FHIT: variants seen among roughly 807,000 people sequenced by gnomAD.
The protein encoded by FHIT is fragile histidine triad diadenosine triphosphatase, also known as bis(5'-adenosyl)-triphosphatase.
FHIT carries 19 observed loss-of-function variants against 17.9 expected under a neutral mutation model. That is an observed-to-expected ratio of 1.06 (90% CI 0.74 to 1.56). The LOEUF (loss-of-function observed/expected upper bound fraction) is 1.56, where lower values mean the gene tolerates loss of function less well. Ranked by LOEUF, FHIT falls within the 40% of genes most tolerant of loss-of-function variation. The pLI is 0.00. For synonymous variants in FHIT, 81 were observed against 69.7 expected (o/e 1.16, Z -0.81); for missense variants, 248 against 189.2 (o/e 1.31, Z -1.82).
At chr3:60,206,403 G>C (rs1222990449) in intron 5 of FHIT, among the ~76,000 whole-genome samples, 1 of 152,096 alleles carries the variant, frequency 6.6e-6, no homozygotes, top group Non-Finnish European at 1.5e-5. Flanking sequence ...GGTTATGAGA[G>C]TTTCTGAATA....
At chr3:61,020,423 G>C (rs1559915024) in intron 3 of FHIT, among the ~76,000 whole-genome samples, 1 of 152,052 alleles carries the variant, frequency 6.6e-6, no homozygotes, top group Non-Finnish European at 1.5e-5. Context: ...GGTCTTTGTA[G>C]ATTCTGGATC....
intron 2 of FHIT, among the ~76,000 whole-genome samples, chr3:61,062,455 A>C (rs2106702653): frequency 6.6e-6 from 1 of 152,320 alleles, no homozygotes; most frequent in African/African-American, 2.4e-5. Flanking sequence ...CATATAATTT[A>C]TTGGATTTAT....
intron 7 of FHIT, among the ~76,000 whole-genome samples, chr3:59,977,770 C>G (rs1332200996): frequency 6.6e-6 from 1 of 152,100 alleles, no homozygotes; most frequent in East Asian, 1.9e-4. Flanking sequence ...AGCTCCAGGA[C>G]AAAAGACTTA....
At chr3:60,595,490 T>C (rs1175268064) in intron 4 of FHIT, among the ~76,000 whole-genome samples, 1 of 141,366 alleles carries the variant, frequency 7.1e-6, no homozygotes, top group East Asian at 2.1e-4. Context: ...CATATAAATA[T>C]GTATATATGT....
intron 5 of FHIT, among the ~76,000 whole-genome samples, chr3:60,138,385 C>G (rs1178755687): frequency 1.3e-5 from 2 of 152,148 alleles, no homozygotes; most frequent in Non-Finnish European, 2.9e-5. Context: ...AAAGTAAATA[C>G]ACATTGTCTC....
At chr3:61,055,281 C>T (rs1468060536) in intron 2 of FHIT, among the ~76,000 whole-genome samples, 2 of 152,056 alleles carry the variant, frequency 1.3e-5, no homozygotes, top group Non-Finnish European at 2.9e-5. Flanking sequence ...TCTGTCTCTC[C>T]CTACCTCTAT....
At chr3:60,725,549 T>C (rs1309419752) in intron 4 of FHIT, among the ~76,000 whole-genome samples, 2 of 152,230 alleles carry the variant, frequency 1.3e-5, no homozygotes, top group Non-Finnish European at 2.9e-5. Flanking sequence ...CTCCAAGACA[T>C]AGTTTCAGGT....
chr3:59,899,945 A>C (rs1433890143), intron 8 of FHIT, among the ~76,000 whole-genome samples: 1 of 152,234 alleles, frequency 6.6e-6, no homozygotes, highest in Admixed American at 6.5e-5. Flanking sequence ...GATACTAAAT[A>C]TTTTAGGCTT....
At chr3:59,847,070 C>T (rs541769481) in intron 8 of FHIT, among the ~76,000 whole-genome samples, 5 of 152,276 alleles carry the variant, frequency 3.3e-5, no homozygotes, top group South Asian at 4.1e-4. Context: ...CTTTCAGGCT[C>T]ACCCTATTTG....
At chr3:60,608,378 G>T (rs1282358612) in intron 4 of FHIT, among the ~76,000 whole-genome samples, 1 of 152,098 alleles carries the variant, frequency 6.6e-6, no homozygotes, top group Admixed American at 6.5e-5. Flanking sequence ...CCCTTCCACT[G>T]CTCAGATGAT....
chr3:60,335,445 G>A (rs1403771946), intron 5 of FHIT, among the ~76,000 whole-genome samples: 1 of 152,112 alleles, frequency 6.6e-6, no homozygotes, highest in Non-Finnish European at 1.5e-5. Flanking sequence ...ATCTCTGCTT[G>A]GCATTTGATA....
rs527533670 is a variant in FHIT at position 59,827,536 on chromosome 3, G to C, written c.349-75215C>G. On this transcript the variant is annotated intron_variant, in intron 8 of 9. Coordinates refer to ENST00000492590, the MANE Select transcript of FHIT (RefSeq NM_002012.4). ...ATATTCAGATAAATGCAGATACTGC[G>C]AGCAGCTATGCTAAGTGCTTTACAG... Among the ~76,000 whole-genome samples the C allele has an allele frequency of 2.6e-5, 4 of 152,290 alleles. No individual in the cohort carries two copies. In the East Asian group the frequency reaches 7.7e-4, roughly 29 times the overall value.
chr3:60,589,745 T>A (rs1239492183), intron 4 of FHIT, among the ~76,000 whole-genome samples: 1 of 152,056 alleles, frequency 6.6e-6, no homozygotes, highest in Non-Finnish European at 1.5e-5. Context: ...ACTACTTGTT[T>A]CCCCCACACC....
chr3:60,262,718 C>T (rs1408690027), intron 5 of FHIT, among the ~76,000 whole-genome samples: 3 of 151,870 alleles, frequency 2.0e-5, no homozygotes, highest in Non-Finnish European at 2.9e-5. Flanking sequence ...ATTTCCTGTT[C>T]AGCTAACTGA....
chr3:61,227,204 A>G (rs2039992415), intron 1 of FHIT, among the ~76,000 whole-genome samples: 1 of 152,210 alleles, frequency 6.6e-6, no homozygotes, highest in Non-Finnish European at 1.5e-5. Context: ...CTCAGGACAC[A>G]GTAGAAGATA....
chr3:60,311,230 C>T (rs1708927750), intron 5 of FHIT, among the ~76,000 whole-genome samples: 1 of 146,694 alleles, frequency 6.8e-6, no homozygotes, highest in Non-Finnish European at 1.5e-5. Context: ...ACCTCCATGC[C>T]CCAAACCCCT....
chr3:60,983,308 G>A (rs930749320), intron 3 of FHIT, among the ~76,000 whole-genome samples: 6 of 152,058 alleles, frequency 3.9e-5, no homozygotes, highest in South Asian at 2.1e-4. Context: ...AGGAAGGGAC[G>A]GAGAACAAGC....
intron 4 of FHIT, among the ~76,000 whole-genome samples, chr3:60,778,057 G>A (rs1001294082): frequency 6.6e-6 from 1 of 152,192 alleles, no homozygotes; most frequent in Non-Finnish European, 1.5e-5. Flanking sequence ...TATTTGACAT[G>A]TTTAGGTACA....
At chr3:60,440,126 A>G (rs2030661962) in intron 5 of FHIT, among the ~76,000 whole-genome samples, 1 of 152,038 alleles carries the variant, frequency 6.6e-6, no homozygotes, top group Non-Finnish European at 1.5e-5. Flanking sequence ...CAAGTCAAAG[A>G]CTTCTTAAAT....
Sources: allele counts gnomAD v4.1 joint callset (sites outside exome capture counted in the v4.1 genomes callset), GRCh38; gene constraint gnomAD v4.1.1; transcripts MANE v1.5; gene names NCBI Gene and HGNC (gene_info 2026-07-23, HGNC 2026-07-21).